Variants in PLCL2 observed in about 807,000 individuals in gnomAD.
PLCL2 encodes the protein inactive phospholipase C-like protein 2.
PLCL2 carries 4 observed loss-of-function variants against 79.6 expected under a neutral mutation model. That is an observed-to-expected ratio of 0.05 (90% CI 0.02 to 0.11). The LOEUF (loss-of-function observed/expected upper bound fraction) is 0.11. PLCL2 is among the 10% of genes least tolerant of loss of function. PLCL2 has a pLI of 1.00. For synonymous variants in PLCL2, 484 were observed against 457.7 expected (o/e 1.06, Z -0.73); for missense variants, 895 against 1,291.0 (o/e 0.69, Z 4.70).
intron 1 of PLCL2, among the ~76,000 whole-genome samples, chr3:16,993,858 A>C (rs1420984001): frequency 6.6e-6 from 1 of 152,208 alleles, no homozygotes; most frequent in Non-Finnish European, 1.5e-5. Context: ...TCTTGGTTTT[A>C]TAGTCTATAT....
chr3:17,056,907 A>G lies in PLCL2; in HGVS notation c.3095-11049A>G, dbSNP rs116577908. Among the ~76,000 whole-genome samples the G allele has an allele frequency of 7.0e-3, 1,073 of 152,274 alleles. 7 individuals carry two copies. Among genetic ancestry groups the G allele is most frequent in the Admixed American group, 0.014 (216 of 15,282 alleles). On this transcript the variant is annotated intron_variant, in intron 4 of 5. Coordinates refer to ENST00000615277, the MANE Select transcript of PLCL2 (RefSeq NM_001144382.2). ...GGGCTTGAGGGAATGCAGGATTTGT[A>G]TAAGTTAAGCAGAAGGAACAGGGCA...
chr3:16,920,987 A>G (rs888918468), intron 1 of PLCL2, among the ~76,000 whole-genome samples: 1 of 152,230 alleles, frequency 6.6e-6, no homozygotes, highest in Non-Finnish European at 1.5e-5. Context: ...AATTTTATGC[A>G]GATGAACAAA....
intron 5 of PLCL2, among the ~76,000 whole-genome samples, chr3:17,085,589 A>G (rs1440915629): frequency 6.6e-6 from 1 of 152,052 alleles, no homozygotes; most frequent in African/African-American, 2.4e-5. Flanking sequence ...AGCTGGGACT[A>G]CAGGCGCCCG....
Position 16,885,097 on chromosome 3 carries a change from C to T in PLCL2, c.58C>T (p.Pro20Ser), listed in dbSNP as rs1262105204. The change falls in exon 1 of 6, where the codon CCG becomes TCG. Residue 20 changes from proline to serine, a missense_variant. Pro to Ser is a moderately conservative substitution (Grantham distance 74). This residue lies in a region of PLCL2 where 110 missense variants were observed against 42.9 expected (regional missense o/e 2.56). Transcript: ENST00000615277. ...AGGALPTSPG[P>S]ALGAKGALKA... The stretch of plus-strand genomic sequence containing the variant: ...CGGGGCCCTGCCCACCTCCCCGGGC[C>T]CGGCCCTCGGCGCCAAGGGCGCCCT... 2 of 444,536 alleles carry T rather than the reference C, an allele frequency of 4.5e-6. No individual in the cohort carries two copies. The highest frequency in any genetic ancestry group is 8.0e-6 in the Non-Finnish European group (2 of 250,790). 27.5% of individuals were successfully genotyped at this position (444,536 alleles called of 1,614,324 possible). A position where few individuals can be genotyped will look rare whatever the true frequency, so the allele number is the denominator to read the frequency against.
chr3:16,930,001 C>T (rs1292693099), intron 1 of PLCL2, among the ~76,000 whole-genome samples: 2 of 152,068 alleles, frequency 1.3e-5, no homozygotes, highest in African/African-American at 2.4e-5. Context: ...GGAGAAGTAT[C>T]GTGGGAGGTG....
chr3:16,895,583 T>G (rs985101775), intron 1 of PLCL2, among the ~76,000 whole-genome samples: 1 of 152,216 alleles, frequency 6.6e-6, no homozygotes, highest in Admixed American at 6.5e-5. Flanking sequence ...CCTTATATAC[T>G]TACCACACTG....
At chr3:16,903,419 G>A (rs7638341) in intron 1 of PLCL2, among the ~76,000 whole-genome samples, 3,604 of 152,230 alleles carry the variant, frequency 0.024, 75 homozygotes, top group African/African-American at 0.053. Context: ...GTTCCTGTTC[G>A]ACAGGCACTG....
chr3:16,890,436 A>T (rs1696319267), intron 1 of PLCL2, among the ~76,000 whole-genome samples: 1 of 152,120 alleles, frequency 6.6e-6, no homozygotes, highest in South Asian at 2.1e-4. Flanking sequence ...TATTTACTTT[A>T]TTTTTTTATG....
chr3:17,028,027 C>T (rs2064537549), intron 3 of PLCL2, among the ~76,000 whole-genome samples: 1 of 152,078 alleles, frequency 6.6e-6, no homozygotes, highest in Admixed American at 6.5e-5. Flanking sequence ...TATGTATAAC[C>T]ATGGTTGTGC....
chr3:17,061,659 A>G (rs1345339927), intron 4 of PLCL2, among the ~76,000 whole-genome samples: 2 of 152,252 alleles, frequency 1.3e-5, no homozygotes, highest in Non-Finnish European at 2.9e-5. Context: ...TAGATTTTAG[A>G]GATAACATGA....
intron 4 of PLCL2, among the ~76,000 whole-genome samples, chr3:17,061,774 CA>C (rs2064955474): frequency 6.6e-6 from 1 of 152,050 alleles, no homozygotes; most frequent in Non-Finnish European, 1.5e-5. Flanking sequence ...AGCTATAAAG[CA>C]AAAGTTACAT....
At chr3:16,972,441 G>T (rs115223336) in intron 1 of PLCL2, among the ~76,000 whole-genome samples, 1 of 152,110 alleles carries the variant, frequency 6.6e-6, no homozygotes, top group African/African-American at 2.4e-5. Context: ...TTTAGAGTAC[G>T]TGCCATGTGC....
chr3:16,924,091 T>A (rs1697188836), intron 1 of PLCL2, among the ~76,000 whole-genome samples: 1 of 152,214 alleles, frequency 6.6e-6, no homozygotes, highest in African/African-American at 2.4e-5. Flanking sequence ...AATCTTTGAT[T>A]AGTACATCCA....
intron 1 of PLCL2, among the ~76,000 whole-genome samples, chr3:16,946,731 CTTCTT>C (rs1459359460): frequency 1.3e-5 from 2 of 151,972 alleles, no homozygotes; most frequent in Non-Finnish European, 2.9e-5. Flanking sequence ...TATGGTGTGT[CTTCTT>C]TCCTTTGATT....
intron 1 of PLCL2, among the ~76,000 whole-genome samples, chr3:16,919,615 T>A (rs1697076552): frequency 6.6e-6 from 1 of 152,186 alleles, no homozygotes; most frequent in Non-Finnish European, 1.5e-5. Flanking sequence ...TTCTGACTTT[T>A]AAAGTTGTGT....
chr3:16,948,610 C>T (rs1052840987), intron 1 of PLCL2, among the ~76,000 whole-genome samples: 3 of 152,118 alleles, frequency 2.0e-5, no homozygotes, highest in Non-Finnish European at 4.4e-5. Flanking sequence ...ATGGAAGAGA[C>T]TTTAGAGGTA....
At chr3:16,913,561 C>T (rs1696928647) in intron 1 of PLCL2, among the ~76,000 whole-genome samples, 1 of 151,810 alleles carries the variant, frequency 6.6e-6, no homozygotes, top group Non-Finnish European at 1.5e-5. Context: ...CAAATTATAT[C>T]ATTTTAAATT....
chr3:16,957,483 T>C, intron 1 of PLCL2, among the ~76,000 whole-genome samples: 1 of 152,206 alleles, frequency 6.6e-6, no homozygotes, highest in Non-Finnish European at 1.5e-5. Flanking sequence ...TGTGGTGTGG[T>C]GCTGAAAAAA....
chr3:17,016,949 C>A (rs1047416002), intron 3 of PLCL2, among the ~76,000 whole-genome samples: 1 of 152,156 alleles, frequency 6.6e-6, no homozygotes. Flanking sequence ...GGTGGTAGTA[C>A]CCCGTGGAGG....
Sources: allele counts gnomAD v4.1 joint callset (sites outside exome capture counted in the v4.1 genomes callset), GRCh38; gene constraint gnomAD v4.1.1; regional missense constraint gnomAD v4.1.1; transcripts MANE v1.5; gene names NCBI Gene and HGNC (gene_info 2026-07-23, HGNC 2026-07-21).